TJP1: variants seen among roughly 807,000 people sequenced by gnomAD.
The protein encoded by TJP1 is tight junction protein 1, also known as tight junction protein ZO-1.
Under a neutral mutation model 194.2 loss-of-function variants are expected in TJP1, and 43 were observed. The observed-to-expected ratio is 0.22, with a 90% CI of 0.17 to 0.29. The LOEUF (loss-of-function observed/expected upper bound fraction) is 0.29. Ranked by LOEUF, TJP1 falls within the 10% of genes least tolerant of loss-of-function variation. The pLI is 1.00. For synonymous variants in TJP1, 801 were observed against 779.0 expected (o/e 1.03, Z -0.47); for missense variants, 1,971 against 2,185.7 (o/e 0.90, Z 1.96).
intron 1 of TJP1, among the ~76,000 whole-genome samples, chr15:29,814,750 C>A (rs970915544): frequency 2.0e-4 from 31 of 152,158 alleles, no homozygotes; most frequent in African/African-American, 7.5e-4. Context: ...GTTTTACCTC[C>A]TTTCCGGACA....
chr15:29,775,326 GA>G (rs11331546), intron 2 of TJP1, among the ~76,000 whole-genome samples: 132,058 of 145,188 alleles, frequency 0.91, 60,045 homozygotes, highest in South Asian at 0.98. Flanking sequence ...ATTTAATACA[GA>G]AAAAAAAAAA....
intron 23 of TJP1, among the ~76,000 whole-genome samples, chr15:29,714,773 C>T (rs1373525142): frequency 6.6e-6 from 1 of 152,038 alleles, no homozygotes; most frequent in South Asian, 2.1e-4. Flanking sequence ...GATCTCCTGA[C>T]CTCATGATCA....
chr15:29,736,946 A>G (rs1333580614), intron 11 of TJP1, among the ~76,000 whole-genome samples: 1 of 152,210 alleles, frequency 6.6e-6, no homozygotes, highest in African/African-American at 2.4e-5. Context: ...TTGAACTTCC[A>G]AAGACTACCT....
intron 2 of TJP1, among the ~76,000 whole-genome samples, chr15:29,870,619 T>C (rs928453507): frequency 1.3e-5 from 2 of 152,194 alleles, no homozygotes; most frequent in African/African-American, 4.8e-5. Flanking sequence ...TTAGCCTTTT[T>C]AGCTTGCGGG....
At chr15:29,704,039 C>A (rs764113771) in intron 27 of TJP1, 123 bp downstream of exon 27, 73 of 1,063,036 alleles carry the variant, frequency 6.9e-5, no homozygotes, top group Non-Finnish European at 9.4e-5. Flanking sequence ...CTGGTGATGC[C>A]TACAAGGCCA....
chr15:29,719,570 A>G (rs2042801180), intron 20 of TJP1, among the ~76,000 whole-genome samples: 1 of 152,196 alleles, frequency 6.6e-6, no homozygotes, highest in African/African-American at 2.4e-5. Context: ...ACAAATCTCA[A>G]TTAAAAGGCC....
chr15:29,826,851 A>T (rs920906280), upstream of TJP1, among the ~76,000 whole-genome samples: 6 of 152,086 alleles, frequency 3.9e-5, no homozygotes, highest in Middle Eastern at 3.4e-3. Flanking sequence ...AATTGTAAGG[A>T]CTTTCGTTTT....
chr15:29,833,877 ATATATT>A (rs1172328762), intron 2 of TJP1, among the ~76,000 whole-genome samples: 6 of 14,426 alleles, frequency 4.2e-4, no homozygotes, highest in African/African-American at 8.8e-4. Context: ...ATATATATAT[ATATATT>A]TTTTTTTTTT....
At chr15:29,804,189 G>C (rs183848965) in intron 1 of TJP1, among the ~76,000 whole-genome samples, 2 of 152,234 alleles carry the variant, frequency 1.3e-5, no homozygotes, top group East Asian at 3.9e-4. Flanking sequence ...GAGGAGTTCT[G>C]AATGAGGAAT....
intron 12 of TJP1, 112 bp from the exon 13 acceptor site, chr15:29,733,425 TCTTA>T (rs2043804715): frequency 5.3e-6 from 4 of 756,078 alleles, no homozygotes; most frequent in South Asian, 3.7e-5. Context: ...TCCAACAAAT[TCTTA>T]CTATGTGCCA....
At chr15:29,939,320 C>T (rs755681231) in intron 2 of TJP1, among the ~76,000 whole-genome samples, 3 of 152,266 alleles carry the variant, frequency 2.0e-5, no homozygotes, top group Non-Finnish European at 2.9e-5. Context: ...GGGCAAAGGA[C>T]GCATCTTGGC....
chr15:29,927,567 TC>T (rs2054565927), intron 2 of TJP1, among the ~76,000 whole-genome samples: 1 of 151,864 alleles, frequency 6.6e-6, no homozygotes, highest in South Asian at 2.1e-4. Flanking sequence ...TCAGATTAAC[TC>T]CCCCTCTGAA....
At chr15:29,722,322 C>A (rs760760087) in intron 18 of TJP1, among the ~76,000 whole-genome samples, 3 of 152,206 alleles carry the variant, frequency 2.0e-5, no homozygotes, top group Non-Finnish European at 2.9e-5. Context: ...TCTGTGCAGC[C>A]TCAGGACATG....
chr15:29,785,353 A>G (rs1033778586), intron 2 of TJP1, among the ~76,000 whole-genome samples: 2 of 152,178 alleles, frequency 1.3e-5, no homozygotes, highest in Non-Finnish European at 2.9e-5. Context: ...AGCCATGCCC[A>G]TTCCTTTACA....
intron 2 of TJP1, among the ~76,000 whole-genome samples, chr15:29,885,965 C>T (rs1292762706): frequency 6.6e-6 from 1 of 152,074 alleles, no homozygotes; most frequent in Non-Finnish European, 1.5e-5. Flanking sequence ...AGGCTTGGGA[C>T]AGGAAAGGAA....
Position 29,761,703 on chromosome 15 carries a change from C to T in TJP1, c.760G>A (p.Gly254Ser). Residue 254 changes from glycine (G) to serine (S), a missense_variant, in exon 7 of 28, where the codon GGC becomes AGC. This residue lies in a region of TJP1 where 245 missense variants were observed against 336.6 expected (regional missense o/e 0.73). Transcript: ENST00000614355. ...DAKTLIERSK[G>S]KLKMVVQRDE... is the part of the protein sequence containing the mutation. The stretch of plus-strand genomic sequence containing the variant: ...CTTTGAACTACCATTTTTAATTTGC[C>T]TTTAGACCTTTCTATCAATGTCTTT... 2 of 1,605,968 alleles carry T rather than the reference C, an allele frequency of 1.2e-6. No homozygotes were observed. The highest frequency in any genetic ancestry group is 2.2e-5 in the East Asian group (1 of 44,662).
At chr15:29,719,702 A>G in intron 20 of TJP1, 75 bp downstream of exon 20, 1 of 1,552,330 alleles carries the variant, frequency 6.4e-7, no homozygotes, top group Non-Finnish European at 8.7e-7. Context: ...GGAACACTTA[A>G]AGGGCAAAGC....
At chr15:29,842,210 C>T (rs1037559194) in intron 2 of TJP1, among the ~76,000 whole-genome samples, 1 of 152,046 alleles carries the variant, frequency 6.6e-6, no homozygotes, top group African/African-American at 2.4e-5. Context: ...GTTCCTGGAG[C>T]GTATTTCTGG....
At chr15:29,731,079 C>CCTTT (rs1472574240) in intron 15 of TJP1, 6 of 596,696 alleles carry the variant, frequency 1.0e-5, no homozygotes, top group South Asian at 5.6e-5. Flanking sequence ...TTTTGTTTTA[C>CCTTT]TTTTTTTTTT....
Sources: gnomAD v4.1 joint callset for allele counts (sites outside exome capture counted in the v4.1 genomes callset) on GRCh38, gnomAD v4.1.1 for gene constraint, gnomAD v4.1.1 regional missense constraint, MANE v1.5 for transcripts, NCBI Gene and HGNC (gene_info 2026-07-23, HGNC 2026-07-21) for gene names.